Variants in LRMDA observed in about 807,000 individuals in gnomAD.
LRMDA encodes leucine rich melanocyte differentiation associated, also known as leucine-rich melanocyte differentiation-associated protein.
In LRMDA, 18 loss-of-function variants were observed where a neutral mutation model predicts 29.8. The ratio of observed to expected loss-of-function variants is 0.60; its 90% CI spans 0.42 to 0.90. The LOEUF is 0.90. Among genes scored for constraint, LRMDA ranks in the 40% least tolerant of loss-of-function variants. LRMDA has a pLI of 0.00. For missense variants in LRMDA, 273 were observed against 273.9 expected, an observed-to-expected ratio of 1.00 and a Z score of 0.02; for synonymous variants, 125 against 109.4, an observed-to-expected ratio of 1.14 and a Z score of -0.89.
chr10:75,617,681 A>G lies in LRMDA; in HGVS notation c.131+179187A>G, dbSNP rs138076915. ...CAAACCATTGCATCACCTCACAGTCACAACTTGTTCTTGCTCATTTTTCAG... is the reference window on the plus strand; with the variant it reads ...CAAACCATTGCATCACCTCACAGTCGCAACTTGTTCTTGCTCATTTTTCAG... On this transcript the variant is annotated intron_variant, in intron 2 of 6. Transcript: ENST00000611255. Among the ~76,000 whole-genome samples the G allele has an allele frequency of 2.6e-3, 401 of 152,258 alleles. 1 individual carries two copies. Among genetic ancestry groups the G allele is most frequent in the Non-Finnish European group, 5.0e-3 (339 of 68,028 alleles).
chr10:76,266,649 A>G (rs1457465166), intron 5 of LRMDA, among the ~76,000 whole-genome samples: 1 of 152,174 alleles, frequency 6.6e-6, no homozygotes, highest in Non-Finnish European at 1.5e-5. Context: ...TGTCTACTAA[A>G]TTCCATGTCT....
At chr10:75,875,528 G>T (rs574972554) in intron 2 of LRMDA, among the ~76,000 whole-genome samples, 14 of 152,274 alleles carry the variant, frequency 9.2e-5, no homozygotes, top group Admixed American at 8.5e-4. Context: ...CCGCCTCCCG[G>T]GTTCAAGCGA....
chr10:76,263,028 G>A (rs1242633045), intron 5 of LRMDA, among the ~76,000 whole-genome samples: 1 of 152,056 alleles, frequency 6.6e-6, no homozygotes, highest in Non-Finnish European at 1.5e-5. Context: ...GTTAACATTA[G>A]CATTTTGGGG....
chr10:76,428,329 C>T (rs1842151954), intron 6 of LRMDA, among the ~76,000 whole-genome samples: 1 of 152,096 alleles, frequency 6.6e-6, no homozygotes, highest in African/African-American at 2.4e-5. Context: ...TCATAAACCC[C>T]TGTTAAGTAG....
At chr10:75,676,842 T>A (rs1370660774) in intron 2 of LRMDA, among the ~76,000 whole-genome samples, 1 of 152,156 alleles carries the variant, frequency 6.6e-6, no homozygotes, top group African/African-American at 2.4e-5. Context: ...GAGGTGTGGC[T>A]CTTCACATTC....
At chr10:76,539,445 A>C (rs962046556) in intron 6 of LRMDA, among the ~76,000 whole-genome samples, 1 of 152,312 alleles carries the variant, frequency 6.6e-6, no homozygotes, top group East Asian at 1.9e-4. Context: ...CAGGTTTCCC[A>C]GGGCAATAGC....
At chr10:76,141,573 T>G (rs2132150558) in intron 5 of LRMDA, among the ~76,000 whole-genome samples, 1 of 152,278 alleles carries the variant, frequency 6.6e-6, no homozygotes, top group Admixed American at 6.5e-5. Context: ...ATTAATTTGC[T>G]GAGTAAACAC....
At chr10:75,532,728 A>C (rs1225811360) in intron 2 of LRMDA, among the ~76,000 whole-genome samples, 5 of 152,132 alleles carry the variant, frequency 3.3e-5, no homozygotes, top group Non-Finnish European at 5.9e-5. Context: ...GACAACCTGC[A>C]TCACTCAGAT....
intron 2 of LRMDA, among the ~76,000 whole-genome samples, chr10:75,532,714 T>C (rs569547030): frequency 6.6e-6 from 1 of 152,256 alleles, no homozygotes; most frequent in African/African-American, 2.4e-5. Flanking sequence ...CTCAGTAGGA[T>C]GCAGACAACC....
At chr10:76,144,102 G>A (rs1432228631) in intron 5 of LRMDA, among the ~76,000 whole-genome samples, 1 of 152,200 alleles carries the variant, frequency 6.6e-6, no homozygotes, top group Non-Finnish European at 1.5e-5. Flanking sequence ...TAGCCTTGTA[G>A]TATAGTTTGA....
intron 5 of LRMDA, among the ~76,000 whole-genome samples, chr10:76,291,523 A>G (rs76876514): frequency 0.019 from 2,896 of 152,266 alleles, 55 homozygotes; most frequent in East Asian, 0.091. Context: ...TGGAAGGCCC[A>G]AGGGGTGGGA....
At chr10:76,551,843 C>G (rs1041751858) in intron 6 of LRMDA, among the ~76,000 whole-genome samples, 1 of 152,070 alleles carries the variant, frequency 6.6e-6, no homozygotes, top group Admixed American at 6.6e-5. Context: ...GTCACTGGGC[C>G]CATCTACCTC....
chr10:76,312,404 C>T (rs940412870), intron 5 of LRMDA, among the ~76,000 whole-genome samples: 1 of 152,126 alleles, frequency 6.6e-6, no homozygotes, highest in African/African-American at 2.4e-5. Flanking sequence ...GACAGCAGAT[C>T]TGGCCTAGCC....
At chr10:76,179,867 T>C (rs1248545425) in intron 5 of LRMDA, among the ~76,000 whole-genome samples, 1 of 152,142 alleles carries the variant, frequency 6.6e-6, no homozygotes, top group Admixed American at 6.5e-5. Context: ...AAAGCTAAAG[T>C]GAATCAACAA....
chr10:76,184,231 G>T (rs1410420958), intron 5 of LRMDA, among the ~76,000 whole-genome samples: 1 of 151,544 alleles, frequency 6.6e-6, no homozygotes, highest in Non-Finnish European at 1.5e-5. Context: ...GGGTTTCACC[G>T]TGTTGGCCAG....
chr10:76,034,578 A>G (rs1848209106), intron 2 of LRMDA, among the ~76,000 whole-genome samples: 1 of 152,060 alleles, frequency 6.6e-6, no homozygotes, highest in Non-Finnish European at 1.5e-5. Flanking sequence ...CTTACAACAC[A>G]TTTTTATACC....
intron 5 of LRMDA, among the ~76,000 whole-genome samples, chr10:76,154,168 C>G (rs1424300933): frequency 6.6e-6 from 1 of 152,104 alleles, no homozygotes; most frequent in Non-Finnish European, 1.5e-5. Flanking sequence ...CCATTTTTCT[C>G]TTGTTCAGCT....
chr10:76,342,687 C>G (rs1841056144), intron 6 of LRMDA, among the ~76,000 whole-genome samples: 1 of 151,856 alleles, frequency 6.6e-6, no homozygotes, highest in African/African-American at 2.4e-5. Flanking sequence ...CAAGAGAAAA[C>G]TAAAATAATC....
intron 5 of LRMDA, among the ~76,000 whole-genome samples, chr10:76,286,270 C>T (rs1464077479): frequency 6.6e-6 from 1 of 152,170 alleles, no homozygotes; most frequent in African/African-American, 2.4e-5. Flanking sequence ...GGCAGTTTGT[C>T]ACCGATGCAT....
Sources: allele counts gnomAD v4.1 joint callset (sites outside exome capture counted in the v4.1 genomes callset), GRCh38; gene constraint gnomAD v4.1.1; transcripts MANE v1.5; gene names NCBI Gene and HGNC (gene_info 2026-07-23, HGNC 2026-07-21).